The following OR51B5 variants were observed in gnomAD, a reference collection of about 807,000 sequenced individuals.
The protein encoded by OR51B5 is olfactory receptor 51B5.
For synonymous variants in OR51B5, 186 were observed against 144.8 expected, an observed-to-expected ratio of 1.28 and a Z score of -2.04; for missense variants, 456 against 374.6, an observed-to-expected ratio of 1.22 and a Z score of -1.79.
downstream of OR51B5, among the ~76,000 whole-genome samples, chr11:5,341,662 A>C (rs993472906): frequency 1.3e-5 from 2 of 152,180 alleles, no homozygotes; most frequent in Non-Finnish European, 2.9e-5. Flanking sequence ...TGGAATCAGA[A>C]TGTATGTACA....
At chr11:5,452,671 A>G (rs1850875385) in intron 1 of OR51B5, among the ~76,000 whole-genome samples, 1 of 152,118 alleles carries the variant, frequency 6.6e-6, no homozygotes, top group Admixed American at 6.5e-5. Flanking sequence ...CCTGTTGTGA[A>G]GGTACATTAA....
intron 1 of OR51B5, chr11:5,390,283 G>A: frequency 1.2e-6 from 2 of 1,613,866 alleles, no homozygotes; most frequent in Non-Finnish European, 1.7e-6. Flanking sequence ...ACCTTTTTGT[G>A]CCTCCCATGC....
intron 1 of OR51B5, among the ~76,000 whole-genome samples, chr11:5,416,917 GA>G (rs1000098583): frequency 6.6e-6 from 1 of 151,224 alleles, no homozygotes; most frequent in African/African-American, 2.4e-5. Context: ...CACAGAATTG[GA>G]AAAAACTACT....
Position 5,423,114 on chromosome 11 carries a change from T to G in OR51B5, n.85-76204A>C. On this transcript the variant is annotated intron_variant and non_coding_transcript_variant, in intron 1 of 4. Transcript: ENST00000415970. Reference sequence around the variant, plus strand: ...AAGAACAAGCAGATCCAATGGGGAATGTTAAATTTCCTTTCCCTCAAAAAT... The same window carrying G: ...AAGAACAAGCAGATCCAATGGGGAAGGTTAAATTTCCTTTCCCTCAAAAAT... The G allele has an allele frequency of 3.7e-6, 6 of 1,605,218 alleles. No individual in the cohort carries two copies. The South Asian group carries it at 5.6e-5, about 15-fold the overall frequency.
At chr11:5,499,204 C>G (rs1851687784) in intron 1 of OR51B5, among the ~76,000 whole-genome samples, 1 of 145,466 alleles carries the variant, frequency 6.9e-6, no homozygotes, top group African/African-American at 2.5e-5. Context: ...GCCTCCCTAT[C>G]CTGTTTTAAT....
chr11:5,412,826 G>C (rs1390848102), intron 1 of OR51B5, among the ~76,000 whole-genome samples: 1 of 152,006 alleles, frequency 6.6e-6, no homozygotes, highest in African/African-American at 2.4e-5. Flanking sequence ...AGCTCAAGGA[G>C]GCCTGCCTGC....
chr11:5,454,060 A>G (rs752891657), intron 1 of OR51B5: 5 of 1,614,000 alleles, frequency 3.1e-6, no homozygotes, highest in Non-Finnish European at 2.5e-6. Context: ...GCCTGTGCTG[A>G]TATCAGTATC....
Position 5,352,497 on chromosome 11 carries a change from A to ACAATGTTGCCAGCATAAGTAACTAGG in OR51B5, n.85-5613_85-5588dup, listed in dbSNP as rs1449774340. Reference sequence around the variant, plus strand: ...TAATTCAGGGGACCTGGACAGGATGACAATGTTGCCAGCATAAGTAACTAG... The same window carrying ACAATGTTGCCAGCATAAGTAACTAGG: ...TAATTCAGGGGACCTGGACAGGATGACAATGTTGCCAGCATAAGTAACTAGGCAATGTTGCCAGCATAAGTAACTAG... On this transcript the variant is annotated intron_variant and non_coding_transcript_variant, in intron 1 of 4. Coordinates refer to the OR51B5 transcript ENST00000415970. The ACAATGTTGCCAGCATAAGTAACTAGG allele has an allele frequency of 6.9e-6, 8 of 1,155,640 alleles. No individual in the cohort carries two copies. In the African/African-American group the frequency reaches 9.2e-5, roughly 13 times the overall value. The allele number at this position is 1,155,640 out of a possible 1,614,324, so 71.6% of individuals were successfully genotyped here. A position where few individuals can be genotyped will look rare whatever the true frequency, so the allele number is the denominator to read the frequency against.
chr11:5,351,433 C>A, intron 1 of OR51B5: 1 of 1,209,158 alleles, frequency 8.3e-7, no homozygotes, highest in Non-Finnish European at 1.2e-6. Context: ...GTAGAATTCT[C>A]AAGGAGCAAC....
intron 1 of OR51B5, among the ~76,000 whole-genome samples, chr11:5,436,450 A>G (rs1266242350): frequency 6.6e-6 from 1 of 152,126 alleles, no homozygotes; most frequent in East Asian, 1.9e-4. Context: ...CCAGACTCGC[A>G]AGGTGTCTCC....
intron 1 of OR51B5, chr11:5,355,641 T>C (rs1196613735): frequency 6.6e-6 from 1 of 152,246 alleles, no homozygotes; most frequent in Admixed American, 6.5e-5. Context: ...CTTCACAGAC[T>C]GTCCTAAAGT....
chr11:5,473,652 T>C (rs896099239), intron 1 of OR51B5, among the ~76,000 whole-genome samples: 2 of 152,176 alleles, frequency 1.3e-5, no homozygotes, highest in African/African-American at 4.8e-5. Context: ...GAAAGCAATA[T>C]GGAATTATTT....
intron 1 of OR51B5, chr11:5,403,321 CAT>C (rs753063355): frequency 1.9e-5 from 9 of 471,662 alleles, no homozygotes; most frequent in South Asian, 1.4e-4. Flanking sequence ...GCACTCAACA[CAT>C]GTGGCTCACA....
At chr11:5,393,932 G>C (rs909889238) in intron 1 of OR51B5, among the ~76,000 whole-genome samples, 3 of 152,086 alleles carry the variant, frequency 2.0e-5, no homozygotes, top group African/African-American at 7.2e-5. Context: ...TGTTTTCCAT[G>C]TTATACTGAA....
chr11:5,476,924 G>A (rs1851315706), intron 1 of OR51B5, among the ~76,000 whole-genome samples: 1 of 151,940 alleles, frequency 6.6e-6, no homozygotes, highest in Non-Finnish European at 1.5e-5. Flanking sequence ...AAAACAGGAA[G>A]ATATTGGTCA....
At chr11:5,470,314 G>A (rs1313059086) in intron 1 of OR51B5, among the ~76,000 whole-genome samples, 1 of 152,060 alleles carries the variant, frequency 6.6e-6, no homozygotes, top group East Asian at 1.9e-4. Flanking sequence ...TTCCCCCCGA[G>A]GATCAATTTT....
At chr11:5,408,522 G>C (rs958482877) in intron 1 of OR51B5, among the ~76,000 whole-genome samples, 27 of 152,078 alleles carry the variant, frequency 1.8e-4, no homozygotes, top group Non-Finnish European at 5.9e-5. Context: ...AACAAGAGAA[G>C]TCATTCATGA....
At chr11:5,380,904 A>T (rs1034412580) in intron 1 of OR51B5, among the ~76,000 whole-genome samples, 1 of 152,064 alleles carries the variant, frequency 6.6e-6, no homozygotes, top group Non-Finnish European at 1.5e-5. Context: ...TGCTGGTCAG[A>T]ATTTAAGCCT....
At chr11:5,470,503 A>G (rs1281932106) in intron 1 of OR51B5, among the ~76,000 whole-genome samples, 1 of 152,132 alleles carries the variant, frequency 6.6e-6, no homozygotes, top group Non-Finnish European at 1.5e-5. Flanking sequence ...TATCCCAAAT[A>G]TATGTCTGCT....
Sources: allele counts gnomAD v4.1 joint callset (sites outside exome capture counted in the v4.1 genomes callset), GRCh38; gene constraint gnomAD v4.1.1; transcripts MANE v1.5; gene names NCBI Gene and HGNC (gene_info 2026-07-23, HGNC 2026-07-21).